The following FCAMR variants were observed in gnomAD, a reference collection of about 807,000 sequenced individuals.
FCAMR encodes the protein Fc alpha and mu receptor, also known as high affinity immunoglobulin alpha and immunoglobulin mu Fc receptor.
Under a neutral mutation model 52.2 loss-of-function variants are expected in FCAMR, and 51 were observed. The observed-to-expected ratio is 0.98, with a 90% CI of 0.78 to 1.23. FCAMR has a LOEUF of 1.23. Ranked by LOEUF, FCAMR falls within the 50% of genes most tolerant of loss-of-function variation. FCAMR has a pLI of 0.00. For missense variants in FCAMR, 719 were observed against 712.6 expected (o/e 1.01, Z -0.10); for synonymous variants, 282 against 262.0 (o/e 1.08, Z -0.74).
chr1:206,960,294 C>T (rs181436802), intron 6 of FCAMR, 128 bp downstream of exon 6: 26 of 982,918 alleles, frequency 2.6e-5, no homozygotes, highest in African/African-American at 9.9e-5. Flanking sequence ...GGAGGGCATC[C>T]GATGTGTATG....
intron 4 of FCAMR, among the ~76,000 whole-genome samples, chr1:206,964,254 C>A (rs879342560): frequency 6.6e-6 from 1 of 152,178 alleles, no homozygotes; most frequent in African/African-American, 2.4e-5. Flanking sequence ...CTGGGACCAG[C>A]TCTATGTGTC....
intron 3 of FCAMR, among the ~76,000 whole-genome samples, chr1:206,966,163 A>T (rs1323077789): frequency 6.6e-6 from 1 of 152,188 alleles, no homozygotes; most frequent in Non-Finnish European, 1.5e-5. Flanking sequence ...CTTTAAATGA[A>T]GATTAAAGTG....
Position 206,962,412 on chromosome 1 carries a change from G to A in FCAMR, c.453C>T (p.Ile151=), listed in dbSNP as rs371809424. The A allele has an allele frequency of 8.1e-6, 13 of 1,614,196 alleles. No individual in the cohort carries two copies. In the South Asian group the frequency reaches 1.1e-4, roughly 14 times the overall value. The change falls in exon 5 of 8, where the codon ATC becomes ATT. Residue 151 remains isoleucine (I), a synonymous_variant. Transcript: ENST00000324852. ...YWCRLGPPRW[I]CQTIVSTNQY... ...GGTTGGTGGACACAATGGTCTGGCA[G>A]ATCCATCTTGGGGGCCCCAGACGGC... is the stretch of plus-strand genomic sequence containing the variant.
rs750988730 is a variant in FCAMR at position 206,965,731 on chromosome 1, C to T, written c.297G>A (p.Glu99=). ...LRPSSPLCWR[E]ESSFAAPNSL... ...GGGTTGTACCTGCAAAGGAGCTCTC[C>T]TCCCGCCAGCAGAGGGGCGAGGAAG... is the stretch of plus-strand genomic sequence containing the variant. Residue 99 remains glutamate (E), a synonymous_variant, in exon 4 of 8, where the codon GAG becomes GAA. Coordinates refer to ENST00000324852, the MANE Select transcript of FCAMR (RefSeq NM_001170631.2). 3.8e-6 allele frequency: 6 copies of T among 1,574,846 alleles called. No homozygotes were observed. The highest frequency in any genetic ancestry group is 4.3e-6 in the Non-Finnish European group (5 of 1,165,586).
rs765999152 is a variant in FCAMR, at chr1:206,962,366, G to A, written c.499C>T (p.Arg167Cys). 27 of 1,614,084 alleles carry A rather than the reference G, an allele frequency of 1.7e-5. No homozygotes were observed. Among genetic ancestry groups the A allele is most frequent in the Non-Finnish European group, 2.1e-5 (25 of 1,180,048 alleles). ...STNQYTHHRY[R>C]DRVALTDFPQ... Reference sequence around the variant, plus strand: ...AAGTCTGTGAGGGCCACACGGTCACGATAGCGATGGTGAGTATACTGGTTG... The same window carrying A: ...AAGTCTGTGAGGGCCACACGGTCACAATAGCGATGGTGAGTATACTGGTTG... The change falls in exon 5 of 8, where the codon CGT becomes TGT. Residue 167 changes from arginine (R) to cysteine (C), a missense_variant. Transcript: ENST00000324852.
chr1:206,960,589 T>C lies in FCAMR; in HGVS notation c.1287A>G (p.Gly429=). ...GTPAADVWIL[G]TPAADVWTSM... ...TGGTCCACACATCTGCAGCTGGAGT[T>C]CCCAAGATCCACACATCTGCAGCTG... Residue 429 remains glycine, a synonymous_variant, in exon 6 of 8, where the codon GGA becomes GGG. Coordinates refer to ENST00000324852, the MANE Select transcript of FCAMR (RefSeq NM_001170631.2). The C allele has an allele frequency of 1.3e-6, 2 of 1,548,014 alleles. No individual in the cohort carries two copies. Among genetic ancestry groups the C allele is most frequent in the Non-Finnish European group, 1.7e-6 (2 of 1,145,544 alleles).
intron 1 of FCAMR, among the ~76,000 whole-genome samples, chr1:206,968,455 T>C (rs543937210): frequency 1.3e-5 from 2 of 152,388 alleles, no homozygotes; most frequent in Non-Finnish European, 2.9e-5. Context: ...ATCTATTGCT[T>C]CTGTTTCTGA....
Position 206,962,458 on chromosome 1 carries a change from C to T in FCAMR, c.407G>A (p.Arg136Lys), listed in dbSNP as rs763933914. The T allele has an allele frequency of 6.2e-7, 1 of 1,613,624 alleles. No individual in the cohort carries two copies. The highest frequency in any genetic ancestry group is 1.3e-5 in the African/African-American group (1 of 74,858). Residue 136 changes from arginine to lysine, a missense_variant, in exon 5 of 8, where the codon AGG becomes AAG. Physicochemically the swap from Arg to Lys is conservative, Grantham distance 26. Transcript: ENST00000324852. ...QCHYAPSSVN[R>K]HQRKYWCRLG... ...ACGGCACCAGTACTTCCTCTGGTGC[C>T]TGTTGACAGATGAGGGGGCATAATG...
intron 4 of FCAMR, among the ~76,000 whole-genome samples, chr1:206,964,452 G>A (rs1233289458): frequency 5.3e-5 from 8 of 151,746 alleles, no homozygotes; most frequent in African/African-American, 1.9e-4. Flanking sequence ...TGAGGGTGGG[G>A]CCTGGTGGGA....
chr1:206,963,128 A>G (rs1680574979), intron 4 of FCAMR, among the ~76,000 whole-genome samples: 1 of 152,214 alleles, frequency 6.6e-6, no homozygotes, highest in Admixed American at 6.5e-5. Flanking sequence ...TGTACCTTTC[A>G]TCTGCAAAAG....
Position 206,969,643 on chromosome 1 carries a change from C to A in FCAMR, c.39+444G>T, listed in dbSNP as rs142886375. On this transcript the variant is annotated intron_variant, in intron 1 of 7. Coordinates refer to ENST00000324852, the MANE Select transcript of FCAMR (RefSeq NM_001170631.2). ...CCTCCGAGCCCCAGTTCACTCCTAT[C>A]CCCTCCCCACATCCCCTGGGCAGCA... Among the ~76,000 whole-genome samples, 25 of 152,294 alleles carry A rather than the reference C, an allele frequency of 1.6e-4. No homozygotes were observed. The East Asian group carries it at 3.3e-3, about 20-fold the overall frequency.
Position 206,958,389 on chromosome 1 carries a change from G to A in FCAMR, c.*127C>T, listed in dbSNP as rs774766975. The A allele has an allele frequency of 1.8e-6, 2 of 1,088,870 alleles. No homozygotes were observed. Among genetic ancestry groups the A allele is most frequent in the Non-Finnish European group, 2.6e-6 (2 of 777,196 alleles). 67.5% of individuals were successfully genotyped at this position (1,088,870 alleles called of 1,614,324 possible). ...ACAGCCAGCCTTTCTTCCATGGGTG[G>A]AGCACCGGCTGCATCAGCTTCTCTT... On this transcript the variant is annotated 3_prime_UTR_variant, in exon 8 of 8. Coordinates refer to ENST00000324852, the MANE Select transcript of FCAMR (RefSeq NM_001170631.2).
At chr1:206,958,714 A>G (rs200789040) in intron 7 of FCAMR, 38 bp from the exon 8 acceptor site, 66 of 1,613,474 alleles carry the variant, frequency 4.1e-5, no homozygotes, top group Middle Eastern at 3.4e-4. Flanking sequence ...GGTTCTGGGT[A>G]AGGACAGCAC....
At position 206,965,822 on chromosome 1, in the gene FCAMR, G is replaced by A. The variant is rs766808211; in HGVS notation, c.206C>T (p.Pro69Leu). Residue 69 changes from proline to leucine, a missense_variant, in exon 4 of 8, where the codon CCG (proline) becomes CTG (leucine). Pro to Leu is a moderately conservative substitution (Grantham distance 98). Coordinates refer to ENST00000324852, the MANE Select transcript of FCAMR (RefSeq NM_001170631.2). ...SFALPQKRPH[P>L]RWLWEGSLPS... The stretch of plus-strand genomic sequence containing the variant: ...GAGAGAGCCCTCCCACAGCCATCTC[G>A]GATGGGGTCTTTTTTGTGGAAGGGC... 1.2e-5 allele frequency: 19 copies of A among 1,604,428 alleles called. No individual in the cohort carries two copies. The highest frequency in any genetic ancestry group is 5.1e-5 in the Admixed American group (3 of 58,704).
In FCAMR at chr1:206,960,763, C is replaced by A. The variant is rs545651115; in HGVS notation, c.1113G>T (p.Lys371Asn). 4 of 1,552,354 alleles carry A rather than the reference C, an allele frequency of 2.6e-6. No homozygotes were observed. Among genetic ancestry groups the A allele is most frequent in the East Asian group, 2.4e-5 (1 of 40,922 alleles). The change falls in exon 6 of 8, where the codon AAG becomes AAT. Residue 371 changes from lysine to asparagine, a missense_variant. By Grantham distance (94) the Lys-to-Asn change is moderately conservative. Coordinates refer to ENST00000324852, the MANE Select transcript of FCAMR (RefSeq NM_001170631.2). The part of the protein sequence containing the change: ...GVRIALDAAK[K>N]VLGTIGPPAL... Reference sequence around the variant, plus strand: ...CTGGTGGCCCAATGGTTCCTAGGACCTTTTTGGCTGCATCAAGAGCTATCC... The same window carrying A: ...CTGGTGGCCCAATGGTTCCTAGGACATTTTTGGCTGCATCAAGAGCTATCC...
chr1:206,958,808 G>A, intron 7 of FCAMR, 132 bp from the exon 8 acceptor site: 4 of 1,210,194 alleles, frequency 3.3e-6, no homozygotes, highest in Non-Finnish European at 3.6e-6. Context: ...GCCCTAGTTG[G>A]CTAGGCTAAG....
chr1:206,961,238 G>A lies in FCAMR; in HGVS notation c.653-15C>T. 1 of 1,511,176 alleles carries A rather than the reference G, an allele frequency of 6.6e-7. No homozygotes were observed. The highest frequency in any genetic ancestry group is 8.9e-7 in the Non-Finnish European group (1 of 1,129,286). The allele number at this position is 1,511,176 out of a possible 1,614,324, so 93.6% of individuals were successfully genotyped here. A position where few individuals can be genotyped will look rare whatever the true frequency, so the allele number is the denominator to read the frequency against. ...GCTGGCGGGACCTGTGTGGACAGCA[G>A]AGGGAGGCCACATGGGAAGGCTGGC... is the stretch of plus-strand genomic sequence containing the variant. On this transcript the variant is annotated splice_polypyrimidine_tract_variant and intron_variant, in intron 5 of 7. Coordinates refer to ENST00000324852, the MANE Select transcript of FCAMR (RefSeq NM_001170631.2).
intron 6 of FCAMR, 91 bp from the exon 7 acceptor site, chr1:206,959,888 T>C (rs533695005): frequency 9.7e-5 from 106 of 1,095,254 alleles, no homozygotes; most frequent in Admixed American, 7.1e-4. Context: ...ACTTTACAGA[T>C]TGGGGAGCTG....
chr1:206,962,353 G>T lies in FCAMR; in HGVS notation c.512C>A (p.Ala171Asp), dbSNP rs768896930. Residue 171 changes from alanine to aspartate, a missense_variant, in exon 5 of 8, where the codon GCC becomes GAC. Ala to Asp is a moderately radical substitution (Grantham distance 126). Coordinates refer to ENST00000324852, the MANE Select transcript of FCAMR (RefSeq NM_001170631.2). Reference protein sequence around the residue: ...YTHHRYRDRVALTDFPQRGLF... With the variant: ...YTHHRYRDRVDLTDFPQRGLF... ...GCCTCTCTGTGGAAAGTCTGTGAGG[G>T]CCACACGGTCACGATAGCGATGGTG... 6.2e-7 allele frequency: 1 copy of T among 1,614,204 alleles called. No homozygotes were observed. The highest frequency in any genetic ancestry group is 1.3e-5 in the African/African-American group (1 of 75,040).
Sources: gnomAD v4.1 joint callset for allele counts (sites outside exome capture counted in the v4.1 genomes callset) on GRCh38, gnomAD v4.1.1 for gene constraint, MANE v1.5 for transcripts, NCBI Gene and HGNC (gene_info 2026-07-23, HGNC 2026-07-21) for gene names.